PTPRD: variants seen among roughly 807,000 people sequenced by gnomAD.
The protein encoded by PTPRD is receptor-type tyrosine-protein phosphatase delta.
Under a neutral mutation model 214.5 loss-of-function variants are expected in PTPRD, and 34 were observed. The ratio of observed to expected loss-of-function variants is 0.16; its 90% confidence interval spans 0.12 to 0.21. The LOEUF (loss-of-function observed/expected upper bound fraction) is 0.21, where lower values mean the gene tolerates loss of function less well. Among genes scored for constraint, PTPRD ranks in the 10% least tolerant of loss-of-function variants. The pLI is 1.00. For synonymous variants in PTPRD, 1,128 were observed against 845.7 expected, an observed-to-expected ratio of 1.33 and a Z score of -5.79; for missense variants, 2,545 against 2,398.7, an observed-to-expected ratio of 1.06 and a Z score of -1.27.
intron 5 of PTPRD, among the ~76,000 whole-genome samples, chr9:9,887,668 G>C (rs2071484339): frequency 1.3e-5 from 2 of 152,124 alleles, no homozygotes; most frequent in Non-Finnish European, 2.9e-5. Flanking sequence ...TAGAAAAACA[G>C]TTTCTAGTGA....
intron 3 of PTPRD, among the ~76,000 whole-genome samples, chr9:10,112,041 T>G (rs2098695745): frequency 6.6e-6 from 1 of 152,216 alleles, no homozygotes; most frequent in Non-Finnish European, 1.5e-5. Context: ...TTAAATCAAT[T>G]GTGAATAAAC....
intron 9 of PTPRD, among the ~76,000 whole-genome samples, chr9:9,342,323 A>G (rs2047115100): frequency 6.6e-6 from 1 of 152,142 alleles, no homozygotes; most frequent in African/African-American, 2.4e-5. Flanking sequence ...CTTTACTTGA[A>G]TTTTAAAAAG....
At chr9:9,674,114 GTC>G (rs1420098573) in intron 7 of PTPRD, among the ~76,000 whole-genome samples, 44 of 151,714 alleles carry the variant, frequency 2.9e-4, no homozygotes, top group Non-Finnish European at 8.9e-5. Flanking sequence ...GATAAATACT[GTC>G]TGTGTAAAAT....
chr9:8,334,071 C>T (rs1403657517), intron 43 of PTPRD, among the ~76,000 whole-genome samples: 2 of 152,128 alleles, frequency 1.3e-5, no homozygotes, highest in Non-Finnish European at 2.9e-5. Flanking sequence ...GAGACTTAGA[C>T]TCCCACACAA....
chr9:9,155,756 G>C (rs1439837055), intron 10 of PTPRD, among the ~76,000 whole-genome samples: 1 of 152,132 alleles, frequency 6.6e-6, no homozygotes, highest in East Asian at 1.9e-4. Context: ...AGGGTAAGAG[G>C]TAACACTGCA....
At chr9:10,439,158 T>C (rs551884413) in intron 2 of PTPRD, among the ~76,000 whole-genome samples, 4 of 151,966 alleles carry the variant, frequency 2.6e-5, no homozygotes, top group African/African-American at 9.6e-5. Context: ...ATTTAGTCTG[T>C]TTCACAGCAA....
intron 8 of PTPRD, among the ~76,000 whole-genome samples, chr9:9,540,010 C>T (rs888345936): frequency 6.6e-6 from 1 of 151,722 alleles, no homozygotes; most frequent in Non-Finnish European, 1.5e-5. Context: ...TGAAATTCTT[C>T]CTAGGGAAGT....
At chr9:9,262,116 T>C (rs1174004200) in intron 9 of PTPRD, among the ~76,000 whole-genome samples, 1 of 151,624 alleles carries the variant, frequency 6.6e-6, no homozygotes, top group African/African-American at 2.4e-5. Context: ...TGTAATTCCC[T>C]TATGATTTAA....
chr9:9,573,033 CA>C (rs1373251427), intron 8 of PTPRD, among the ~76,000 whole-genome samples: 1 of 151,464 alleles, frequency 6.6e-6, no homozygotes, highest in Non-Finnish European at 1.5e-5. Context: ...ATGTGTTCTC[CA>C]AAAACACATG....
At chr9:10,568,517 T>C (rs981195624) in intron 2 of PTPRD, among the ~76,000 whole-genome samples, 1 of 152,088 alleles carries the variant, frequency 6.6e-6, no homozygotes, top group Admixed American at 6.6e-5. Flanking sequence ...GTATTTCTAG[T>C]TCTAGATCCC....
intron 14 of PTPRD, among the ~76,000 whole-genome samples, chr9:8,593,148 G>A (rs1290370614): frequency 1.3e-5 from 2 of 152,106 alleles, no homozygotes; most frequent in Non-Finnish European, 2.9e-5. Context: ...AGAAGTGTTA[G>A]GAAATCATAA....
intron 14 of PTPRD, among the ~76,000 whole-genome samples, chr9:8,594,905 C>T (rs1346298088): frequency 6.8e-6 from 1 of 148,058 alleles, no homozygotes; most frequent in East Asian, 2.0e-4. Context: ...CTCTGTCACC[C>T]AGGCTGGAGT....
chr9:8,800,670 G>A (rs1302950888), intron 11 of PTPRD, among the ~76,000 whole-genome samples: 1 of 152,112 alleles, frequency 6.6e-6, no homozygotes, highest in African/African-American at 2.4e-5. Context: ...ATAAAAATGG[G>A]CAACCAGCAG....
chr9:8,777,123 G>A (rs1221080325), intron 11 of PTPRD, among the ~76,000 whole-genome samples: 1 of 151,768 alleles, frequency 6.6e-6, no homozygotes, highest in Non-Finnish European at 1.5e-5. Context: ...GGAACTACAG[G>A]TGCGTGCCAC....
intron 34 of PTPRD, among the ~76,000 whole-genome samples, chr9:8,444,457 A>C (rs1443376853): frequency 2.0e-5 from 3 of 151,996 alleles, no homozygotes; most frequent in Non-Finnish European, 4.4e-5. Context: ...TATATATGAA[A>C]CTCTATATGG....
chr9:8,428,251 T>C (rs139009697), intron 35 of PTPRD, among the ~76,000 whole-genome samples: 2 of 152,170 alleles, frequency 1.3e-5, no homozygotes, highest in African/African-American at 4.8e-5. Flanking sequence ...AAAACTGCCA[T>C]GTTCGTAAGG....
At chr9:10,311,464 AT>A (rs1373463827) in intron 3 of PTPRD, among the ~76,000 whole-genome samples, 3 of 152,014 alleles carry the variant, frequency 2.0e-5, no homozygotes, top group Non-Finnish European at 4.4e-5. Context: ...TCCTCATCTT[AT>A]TTTGAAATTC....
intron 12 of PTPRD, among the ~76,000 whole-genome samples, chr9:8,706,401 G>C (rs927617823): frequency 6.6e-6 from 1 of 152,246 alleles, no homozygotes; most frequent in Non-Finnish European, 1.5e-5. Flanking sequence ...TTTCAGACTT[G>C]AAATAGCTTT....
intron 11 of PTPRD, among the ~76,000 whole-genome samples, chr9:8,938,470 G>A (rs968055607): frequency 4.6e-5 from 7 of 152,062 alleles, no homozygotes; most frequent in African/African-American, 1.7e-4. Context: ...CGCCTTGCTG[G>A]CTCCTGAGCA....
Sources: gnomAD v4.1 joint callset for allele counts (sites outside exome capture counted in the v4.1 genomes callset) on GRCh38, gnomAD v4.1.1 for gene constraint, MANE v1.5 for transcripts, NCBI Gene and HGNC (gene_info 2026-07-23, HGNC 2026-07-21) for gene names.